The following GRIN2A variants were observed in gnomAD, a reference collection of about 807,000 sequenced individuals.
The protein encoded by GRIN2A is glutamate ionotropic receptor NMDA type subunit 2A.
A neutral mutation model predicts 113.4 loss-of-function variants in GRIN2A; 22 were observed. That is an observed-to-expected ratio of 0.19 (90% confidence interval 0.14 to 0.28). GRIN2A has a LOEUF of 0.28. GRIN2A is among the 10% of genes least tolerant of loss of function. GRIN2A has a pLI of 1.00. For synonymous variants in GRIN2A, 827 were observed against 738.4 expected (o/e 1.12, Z -1.94); for missense variants, 1,502 against 1,887.0 (o/e 0.80, Z 3.78).
chr16:10,066,353 A>G (rs1323514872), intron 2 of GRIN2A, among the ~76,000 whole-genome samples: 1 of 152,190 alleles, frequency 6.6e-6, no homozygotes, highest in Non-Finnish European at 1.5e-5. Flanking sequence ...TTCTGGAAAC[A>G]TCACCAACTT....
intron 2 of GRIN2A, among the ~76,000 whole-genome samples, chr16:10,013,082 G>A (rs981141125): frequency 2.0e-5 from 3 of 152,228 alleles, no homozygotes; most frequent in Admixed American, 1.3e-4. Flanking sequence ...GAAATAATCT[G>A]TACAACAAAC....
At chr16:10,010,831 G>A (rs1193707994) in intron 2 of GRIN2A, among the ~76,000 whole-genome samples, 2 of 152,112 alleles carry the variant, frequency 1.3e-5, no homozygotes, top group Non-Finnish European at 2.9e-5. Context: ...TACTGCACTG[G>A]TCTCTTCACC....
At chr16:10,045,578 T>C (rs1159842854) in intron 2 of GRIN2A, among the ~76,000 whole-genome samples, 1 of 152,210 alleles carries the variant, frequency 6.6e-6, no homozygotes, top group Non-Finnish European at 1.5e-5. Flanking sequence ...GGTTTGGCAG[T>C]GAGCCTGATG....
rs545320904 is a variant in GRIN2A, at chr16:10,073,344, T to G, written c.414+106654A>C. Among the ~76,000 whole-genome samples the G allele has an allele frequency of 4.6e-5, 7 of 152,256 alleles. No individual in the cohort carries two copies. In the East Asian group the frequency reaches 1.2e-3, roughly 25 times the overall value. ...GGCCCATGGAAGACAGAAAAATCAT[T>G]TATAGACTGCAGTCTCTAAAGACAC... On this transcript the variant is annotated intron_variant, in intron 2 of 12. Coordinates refer to ENST00000330684, the MANE Select transcript of GRIN2A (RefSeq NM_001134407.3).
chr16:9,967,155 T>G (rs573522841), intron 2 of GRIN2A, among the ~76,000 whole-genome samples: 1 of 152,176 alleles, frequency 6.6e-6, no homozygotes, highest in African/African-American at 2.4e-5. Flanking sequence ...ATAAAGAATA[T>G]GAATTATGCT....
intron 4 of GRIN2A, among the ~76,000 whole-genome samples, chr16:9,851,476 G>A (rs2042881419): frequency 6.6e-6 from 1 of 152,206 alleles, no homozygotes; most frequent in Non-Finnish European, 1.5e-5. Context: ...GGCTAAAACA[G>A]AATGACTCTT....
intron 2 of GRIN2A, 30 bp from the exon 3 acceptor site, chr16:9,938,581 A>G (rs763159237): frequency 5.2e-5 from 80 of 1,527,654 alleles, no homozygotes; most frequent in Non-Finnish European, 6.8e-5. Context: ...AAAACAGAGG[A>G]TGAGGCAGGA....
chr16:10,160,547 T>G (rs1225202501), intron 2 of GRIN2A, among the ~76,000 whole-genome samples: 1 of 152,220 alleles, frequency 6.6e-6, no homozygotes, highest in African/African-American at 2.4e-5. Context: ...TCTGCATCTC[T>G]CATGTCATCT....
At chr16:10,034,011 G>A (rs577403571) in intron 2 of GRIN2A, among the ~76,000 whole-genome samples, 2 of 152,106 alleles carry the variant, frequency 1.3e-5, no homozygotes, top group African/African-American at 4.8e-5. Flanking sequence ...TATCAACCGG[G>A]CCAAACAACC....
At chr16:9,913,491 T>C (rs181631033) in intron 3 of GRIN2A, among the ~76,000 whole-genome samples, 16 of 152,342 alleles carry the variant, frequency 1.1e-4, no homozygotes, top group African/African-American at 3.8e-4. Flanking sequence ...AGTTTCTTTA[T>C]GTTTCCCCTC....
At chr16:9,981,835 G>A (rs1013166555) in intron 2 of GRIN2A, among the ~76,000 whole-genome samples, 4 of 152,140 alleles carry the variant, frequency 2.6e-5, no homozygotes, top group African/African-American at 9.7e-5. Flanking sequence ...TGCCCAGGCT[G>A]GAGTGCAGGG....
chr16:9,799,291 T>G (rs926918427), intron 10 of GRIN2A, among the ~76,000 whole-genome samples: 1 of 152,152 alleles, frequency 6.6e-6, no homozygotes, highest in Non-Finnish European at 1.5e-5. Flanking sequence ...AGGAGAAATC[T>G]GAACACAGAC....
chr16:9,923,520 T>C (rs977517453), intron 3 of GRIN2A, among the ~76,000 whole-genome samples: 1 of 152,206 alleles, frequency 6.6e-6, no homozygotes, highest in Non-Finnish European at 1.5e-5. Context: ...ATAAGTTGAA[T>C]ATTTTTTATC....
chr16:9,817,899 C>G (rs2042214333), intron 10 of GRIN2A, among the ~76,000 whole-genome samples: 1 of 152,082 alleles, frequency 6.6e-6, no homozygotes, highest in African/African-American at 2.4e-5. Flanking sequence ...TTGCTGGATT[C>G]TAGGGTGTTG....
intron 2 of GRIN2A, among the ~76,000 whole-genome samples, chr16:10,030,676 T>G (rs1427946899): frequency 6.6e-6 from 1 of 152,202 alleles, no homozygotes; most frequent in East Asian, 1.9e-4. Flanking sequence ...TAAAGGGGTC[T>G]CTCTCATCTT....
At chr16:9,844,410 T>C (rs2042736004) in intron 5 of GRIN2A, among the ~76,000 whole-genome samples, 2 of 152,338 alleles carry the variant, frequency 1.3e-5, no homozygotes, top group South Asian at 2.1e-4. Flanking sequence ...ACAGTAATTA[T>C]GGAATTGCAG....
intron 8 of GRIN2A, among the ~76,000 whole-genome samples, chr16:9,831,479 C>G (rs1171253050): frequency 6.6e-6 from 1 of 151,670 alleles, no homozygotes; most frequent in African/African-American, 2.4e-5. Flanking sequence ...ATGTATGTCA[C>G]CTGTCTCCCT....
intron 10 of GRIN2A, among the ~76,000 whole-genome samples, chr16:9,809,289 G>A (rs911682875): frequency 7.2e-5 from 11 of 152,036 alleles, no homozygotes; most frequent in East Asian, 3.9e-4. Context: ...GCGTCATGGC[G>A]CACCCCTGTA....
intron 2 of GRIN2A, among the ~76,000 whole-genome samples, chr16:10,143,744 C>T (rs1014597733): frequency 3.9e-5 from 6 of 152,066 alleles, no homozygotes; most frequent in Admixed American, 6.5e-5. Flanking sequence ...GCAAGTGGAT[C>T]TCTTGAGCCC....
Sources: gnomAD v4.1 joint callset for allele counts (sites outside exome capture counted in the v4.1 genomes callset) on GRCh38, gnomAD v4.1.1 for gene constraint, MANE v1.5 for transcripts, NCBI Gene and HGNC (gene_info 2026-07-23, HGNC 2026-07-21) for gene names.